The following CNTN4 variants were observed in gnomAD, a reference collection of about 807,000 sequenced individuals.
CNTN4 encodes the protein contactin 4, also known as contactin-4.
Under a neutral mutation model 122.5 loss-of-function variants are expected in CNTN4, and 77 were observed. The ratio of observed to expected loss-of-function variants is 0.63; its 90% confidence interval spans 0.52 to 0.76. The LOEUF (loss-of-function observed/expected upper bound fraction) is 0.76. Among genes scored for constraint, CNTN4 ranks in the 30% least tolerant of loss-of-function variants. The pLI, the probability that CNTN4 is intolerant of heterozygous loss-of-function variation, is 0.00. For synonymous variants in CNTN4, 512 were observed against 447.0 expected (o/e 1.15, Z -1.83); for missense variants, 1,256 against 1,259.1 (o/e 1.00, Z 0.04).
intron 13 of CNTN4, among the ~76,000 whole-genome samples, chr3:2,984,496 G>T (rs1694369283): frequency 6.6e-6 from 1 of 152,164 alleles, no homozygotes; most frequent in Non-Finnish European, 1.5e-5. Context: ...ACAAAGAATT[G>T]TTCAGTCCAA....
chr3:2,282,228 A>G (rs1390456029), intron 2 of CNTN4, among the ~76,000 whole-genome samples: 2 of 152,182 alleles, frequency 1.3e-5, no homozygotes, highest in African/African-American at 4.8e-5. Context: ...AAATGTAGCA[A>G]ACATTATAAA....
intron 14 of CNTN4, among the ~76,000 whole-genome samples, chr3:3,006,043 G>A (rs760417568): frequency 4.6e-5 from 7 of 151,656 alleles, no homozygotes; most frequent in East Asian, 1.9e-4. Context: ...CCACCCCCAC[G>A]CTCGGCTAAT....
chr3:2,210,169 C>T (rs1305928696), intron 2 of CNTN4, among the ~76,000 whole-genome samples: 5 of 151,956 alleles, frequency 3.3e-5, no homozygotes, highest in East Asian at 1.9e-4. Flanking sequence ...TTATGCTTGT[C>T]CATACAATGG....
chr3:2,233,402 T>C (rs1177696549), intron 2 of CNTN4, among the ~76,000 whole-genome samples: 3 of 152,156 alleles, frequency 2.0e-5, no homozygotes, highest in African/African-American at 4.8e-5. Context: ...CCTTTGCCTG[T>C]TTTTGTTTTT....
chr3:2,758,882 A>G (rs1300369144), intron 6 of CNTN4, among the ~76,000 whole-genome samples: 1 of 152,098 alleles, frequency 6.6e-6, no homozygotes, highest in African/African-American at 2.4e-5. Context: ...AAGGTGTACA[A>G]TTCAGTGATG....
chr3:2,358,769 G>A (rs1054646274), intron 3 of CNTN4, among the ~76,000 whole-genome samples: 3 of 152,080 alleles, frequency 2.0e-5, no homozygotes, highest in African/African-American at 7.2e-5. Flanking sequence ...TATATATAAT[G>A]AACTACTATG....
chr3:2,568,373 T>G (rs977955117), intron 3 of CNTN4, among the ~76,000 whole-genome samples: 1 of 143,866 alleles, frequency 7.0e-6, no homozygotes, highest in East Asian at 2.3e-4. Context: ...ATTCATCTCC[T>G]CCTGGCTCAA....
chr3:2,828,060 G>T (rs2093024405), intron 7 of CNTN4, among the ~76,000 whole-genome samples: 1 of 152,070 alleles, frequency 6.6e-6, no homozygotes, highest in Admixed American at 6.6e-5. Flanking sequence ...ATGGGAACAA[G>T]GAAGGGCCCA....
chr3:2,408,959 A>C (rs2047131855), intron 3 of CNTN4, among the ~76,000 whole-genome samples: 1 of 152,100 alleles, frequency 6.6e-6, no homozygotes, highest in African/African-American at 2.4e-5. Flanking sequence ...TTATTTTTGC[A>C]CTTGTAGGCA....
intron 6 of CNTN4, among the ~76,000 whole-genome samples, chr3:2,801,494 T>C (rs2150061419): frequency 6.6e-6 from 1 of 152,322 alleles, no homozygotes; most frequent in East Asian, 1.9e-4. Flanking sequence ...GTAGGCACAG[T>C]ATGTCAATTA....
At chr3:2,389,721 G>T (rs2046377307) in intron 3 of CNTN4, among the ~76,000 whole-genome samples, 1 of 152,150 alleles carries the variant, frequency 6.6e-6, no homozygotes, top group African/African-American at 2.4e-5. Flanking sequence ...TTACAGTGAA[G>T]AAAAGGAACC....
At chr3:2,408,735 A>G (rs985354443) in intron 3 of CNTN4, among the ~76,000 whole-genome samples, 1 of 152,172 alleles carries the variant, frequency 6.6e-6, no homozygotes, top group African/African-American at 2.4e-5. Flanking sequence ...TATCAATACT[A>G]GGTGAAAATA....
At chr3:2,858,164 CT>C (rs1438098971) in intron 7 of CNTN4, among the ~76,000 whole-genome samples, 1 of 152,150 alleles carries the variant, frequency 6.6e-6, no homozygotes, top group Non-Finnish European at 1.5e-5. Context: ...GTATCCAAAC[CT>C]TTTAAAACAG....
chr3:2,145,868 A>G (rs948155828), intron 2 of CNTN4, among the ~76,000 whole-genome samples: 3 of 152,002 alleles, frequency 2.0e-5, no homozygotes, highest in African/African-American at 7.2e-5. Context: ...AAGTAATTTG[A>G]CAAAGGTCAT....
rs2089711321 is a variant in CNTN4, at chr3:2,745,649, A to G, written c.310A>G (p.Asn104Asp). ...DAGTYQCTAT[N>D]SFGTIVSREA... ...TGGAACGTACCAGTGCACAGCGACA[A>G]ACTCGTTTGGAACAATTGTTAGCAG... Residue 104 changes from asparagine to aspartate, a missense_variant, in exon 6 of 25, where the codon AAC becomes GAC. By Grantham distance (23) the Asn-to-Asp change is conservative (BLOSUM62 1). Transcript: ENST00000418658. 2 of 1,614,010 alleles carry G rather than the reference A, an allele frequency of 1.2e-6. No homozygotes were observed. Among genetic ancestry groups the G allele is most frequent in the African/African-American group, 1.3e-5 (1 of 74,938 alleles).
At chr3:2,919,353 GAAAAA>G (rs200119254) in intron 12 of CNTN4, among the ~76,000 whole-genome samples, 14 of 108,454 alleles carry the variant, frequency 1.3e-4, no homozygotes, top group South Asian at 8.8e-4. Flanking sequence ...CTCTGTCTCA[GAAAAA>G]AAAAAAAAAA....
At chr3:2,500,400 C>T (rs903414702) in intron 3 of CNTN4, among the ~76,000 whole-genome samples, 3 of 152,002 alleles carry the variant, frequency 2.0e-5, no homozygotes, top group Non-Finnish European at 2.9e-5. Context: ...CTTTAATTAA[C>T]GTTTACCCAG....
intron 4 of CNTN4, among the ~76,000 whole-genome samples, chr3:2,612,047 T>G (rs956548329): frequency 7.9e-5 from 12 of 151,764 alleles, no homozygotes; most frequent in African/African-American, 2.9e-4. Context: ...AAATAACACA[T>G]GCTTTCAAAG....
At chr3:2,510,031 T>TC (rs1357789670) in intron 3 of CNTN4, among the ~76,000 whole-genome samples, 1 of 152,114 alleles carries the variant, frequency 6.6e-6, no homozygotes, top group Non-Finnish European at 1.5e-5. Context: ...CTGTCTTTTT[T>TC]CCCCACACAT....
Sources: allele counts gnomAD v4.1 joint callset (sites outside exome capture counted in the v4.1 genomes callset), GRCh38; gene constraint gnomAD v4.1.1; transcripts MANE v1.5; gene names NCBI Gene and HGNC (gene_info 2026-07-23, HGNC 2026-07-21).